ZBTB7C: variants seen among roughly 807,000 people sequenced by gnomAD.
ZBTB7C encodes the protein zinc finger and BTB domain-containing protein 7C.
A neutral mutation model predicts 25.7 loss-of-function variants in ZBTB7C; 8 were observed. The observed-to-expected ratio is 0.31, with a 90% CI of 0.18 to 0.56. The LOEUF (loss-of-function observed/expected upper bound fraction) is 0.56, where lower values mean the gene tolerates loss of function less well. ZBTB7C is among the 20% of genes least tolerant of loss of function. The pLI is 0.91. For synonymous variants in ZBTB7C, 394 were observed against 369.0 expected (o/e 1.07, Z -0.78); for missense variants, 824 against 855.2 (o/e 0.96, Z 0.46).
intron 1 of ZBTB7C, among the ~76,000 whole-genome samples, chr18:48,407,487 GA>G (rs1209068478): frequency 6.6e-6 from 1 of 152,192 alleles, no homozygotes; most frequent in Non-Finnish European, 1.5e-5. Flanking sequence ...ACCAGATAAA[GA>G]GGCCATGATG....
At chr18:48,331,777 G>A (rs1474535032) in intron 2 of ZBTB7C, among the ~76,000 whole-genome samples, 1 of 152,138 alleles carries the variant, frequency 6.6e-6, no homozygotes. Context: ...TATATTATTG[G>A]CATAGAAAGG....
chr18:48,122,650 C>T (rs758664146), intron 3 of ZBTB7C, among the ~76,000 whole-genome samples: 12 of 152,254 alleles, frequency 7.9e-5, no homozygotes, highest in South Asian at 2.1e-4. Context: ...GTGAAGTATC[C>T]GAAATGGGCA....
intron 2 of ZBTB7C, among the ~76,000 whole-genome samples, chr18:48,261,805 G>C (rs2044179879): frequency 6.6e-6 from 1 of 152,254 alleles, no homozygotes; most frequent in Non-Finnish European, 1.5e-5. Context: ...GGTGGTCATG[G>C]AAAGGCATTT....
At chr18:48,118,529 C>T (rs2039523085) in intron 3 of ZBTB7C, among the ~76,000 whole-genome samples, 1 of 152,096 alleles carries the variant, frequency 6.6e-6, no homozygotes, top group Non-Finnish European at 1.5e-5. Flanking sequence ...CATTAAGAAA[C>T]CTGAAATATT....
intron 1 of ZBTB7C, among the ~76,000 whole-genome samples, chr18:48,400,442 A>C (rs2048130090): frequency 6.6e-6 from 1 of 152,218 alleles, no homozygotes; most frequent in Admixed American, 6.5e-5. Context: ...CTGGGGAATA[A>C]ACTATATGCC....
At chr18:48,178,206 G>C (rs116975970) in intron 3 of ZBTB7C, among the ~76,000 whole-genome samples, 1 of 152,180 alleles carries the variant, frequency 6.6e-6, no homozygotes, top group Admixed American at 6.5e-5. Context: ...CCATGCCCCT[G>C]ACTCATGCGG....
intron 2 of ZBTB7C, among the ~76,000 whole-genome samples, chr18:48,305,015 C>T (rs1252354293): frequency 6.6e-6 from 1 of 152,090 alleles, no homozygotes; most frequent in Non-Finnish European, 1.5e-5. Flanking sequence ...TAGCTGTGCT[C>T]TCATTGATTG....
chr18:48,055,744 G>C (rs1468841435), intron 3 of ZBTB7C, among the ~76,000 whole-genome samples: 1 of 152,120 alleles, frequency 6.6e-6, no homozygotes, highest in Non-Finnish European at 1.5e-5. Flanking sequence ...GCACCTTATA[G>C]AGTAGCTACC....
At position 48,338,277 on chromosome 18, in the gene ZBTB7C, C is replaced by T. The variant is rs369572189; in HGVS notation, c.-182G>A. 1.1e-4 allele frequency: 17 copies of T among 152,326 alleles called. No homozygotes were observed. Among genetic ancestry groups the T allele is most frequent in the East Asian group, 9.6e-4 (5 of 5,190 alleles). 9.4% of individuals were successfully genotyped at this position (152,326 alleles called of 1,614,324 possible). On this transcript the variant is annotated 5_prime_UTR_variant, in exon 2 of 5. Transcript: ENST00000590800. ...ACGCCCAGGCTCCAGGTCTAATGGG[C>T]GTGGATTCTGCTCATGCCTCAGGCC...
chr18:48,103,941 T>C (rs1215435876), intron 3 of ZBTB7C, among the ~76,000 whole-genome samples: 1 of 152,130 alleles, frequency 6.6e-6, no homozygotes, highest in Non-Finnish European at 1.5e-5. Flanking sequence ...GGGTGCAGGT[T>C]AGAGGGAAAT....
rs535076448 is a variant in ZBTB7C, at chr18:48,395,242, G to A, written c.-304+13984C>T. Among the ~76,000 whole-genome samples, 11 of 149,062 alleles carry A rather than the reference G, an allele frequency of 7.4e-5. No homozygotes were observed. The East Asian group carries it at 1.2e-3, about 17-fold the overall frequency. On this transcript the variant is annotated intron_variant, in intron 1 of 4. Transcript: ENST00000590800. ...CTGGGTGCTTTTCATCCATGATCTC[G>A]TTTAAGGAGAGAGAGAGAGAGAATG...
intron 2 of ZBTB7C, among the ~76,000 whole-genome samples, chr18:48,292,013 C>T (rs2045244069): frequency 6.6e-6 from 1 of 152,088 alleles, no homozygotes; most frequent in Non-Finnish European, 1.5e-5. Flanking sequence ...GCCTGGCCAA[C>T]ATGGTGAAAC....
At chr18:48,405,677 A>T (rs1200522630) in intron 1 of ZBTB7C, among the ~76,000 whole-genome samples, 1 of 152,154 alleles carries the variant, frequency 6.6e-6, no homozygotes, top group African/African-American at 2.4e-5. Context: ...AGGATGCTGC[A>T]CACAGGCTGG....
At chr18:48,236,257 T>C (rs2043374908) in intron 2 of ZBTB7C, among the ~76,000 whole-genome samples, 1 of 152,222 alleles carries the variant, frequency 6.6e-6, no homozygotes, top group Admixed American at 6.5e-5. Context: ...ATCTAAATCC[T>C]AGTAGAGAAT....
rs181776100 is a variant in ZBTB7C, at chr18:48,091,690, C to T, written c.-16-50567G>A. The stretch of plus-strand genomic sequence containing the variant: ...CAGGTGAGGAGACAGCTTCGGACAG[C>T]GAGGCAGAGTCTAGCAGGCCAGAGC... On this transcript the variant is annotated intron_variant, in intron 3 of 4. Transcript: ENST00000590800. 4.1e-3 allele frequency among the ~76,000 whole-genome samples: 623 copies of T among 152,276 alleles called. 1 individual carries two copies. Among genetic ancestry groups the T allele is most frequent in the Non-Finnish European group, 6.2e-3 (425 of 68,020 alleles).
At chr18:48,062,530 C>CTTTTTTT (rs2037166601) in intron 3 of ZBTB7C, among the ~76,000 whole-genome samples, 3 of 152,184 alleles carry the variant, frequency 2.0e-5, no homozygotes, top group African/African-American at 7.2e-5. Flanking sequence ...TTGAGCTGGG[C>CTTTTTTT]TCTTTTACAC....
intron 3 of ZBTB7C, among the ~76,000 whole-genome samples, chr18:48,081,455 C>A (rs76974266): frequency 1.8e-5 from 2 of 109,560 alleles, no homozygotes; most frequent in African/African-American, 5.3e-5. Flanking sequence ...TTTTCTTTTT[C>A]TTTTTCTTTT....
At chr18:48,097,614 C>T (rs117628944) in intron 3 of ZBTB7C, among the ~76,000 whole-genome samples, 3,138 of 152,218 alleles carry the variant, frequency 0.021, 39 homozygotes, top group Non-Finnish European at 0.031. Context: ...CCAGGCTGGT[C>T]TCTGATTCCT....
At chr18:48,095,084 TAG>T (rs2038567598) in intron 3 of ZBTB7C, among the ~76,000 whole-genome samples, 2 of 152,120 alleles carry the variant, frequency 1.3e-5, no homozygotes, top group African/African-American at 2.4e-5. Context: ...TCCCTCCTGG[TAG>T]TAACCAGGTG....
Sources: allele counts gnomAD v4.1 joint callset (sites outside exome capture counted in the v4.1 genomes callset), GRCh38; gene constraint gnomAD v4.1.1; transcripts MANE v1.5; gene names NCBI Gene and HGNC (gene_info 2026-07-23, HGNC 2026-07-21).